Variants in FBXL19 observed in about 807,000 individuals in gnomAD.
FBXL19 encodes the protein F-box and leucine rich repeat protein 19.
A neutral mutation model predicts 71.2 loss-of-function variants in FBXL19; 16 were observed. That is an observed-to-expected ratio of 0.22 (90% CI 0.15 to 0.34). The LOEUF (loss-of-function observed/expected upper bound fraction) is 0.34, where lower values mean the gene tolerates loss of function less well. Ranked by LOEUF, FBXL19 falls within the 10% of genes least tolerant of loss-of-function variation. The pLI is 1.00. For synonymous variants in FBXL19, 447 were observed against 409.4 expected, an observed-to-expected ratio of 1.09 and a Z score of -1.11; for missense variants, 658 against 968.2, an observed-to-expected ratio of 0.68 and a Z score of 4.25.
intron 7 of FBXL19, among the ~76,000 whole-genome samples, chr16:30,933,289 C>T (rs1272018647): frequency 6.6e-6 from 1 of 152,120 alleles, no homozygotes; most frequent in Admixed American, 6.5e-5. Flanking sequence ...AGGCATGAGC[C>T]ACTGCGCCTG....
At position 30,948,674 on chromosome 16, in the gene FBXL19, GGAA is replaced by G; in HGVS notation, c.*1447_*1449del. The stretch of plus-strand genomic sequence containing the variant: ...TTGAGAATGGGGCCGCTTGGGGGAG[GGAA>G]GAGGCAGCCCGGCGAGGGGCAAGCG... On this transcript the variant is annotated 3_prime_UTR_variant, in exon 11 of 11. Transcript: ENST00000338343. 1.3e-5 allele frequency: 2 copies of G among 152,418 alleles called. No individual in the cohort carries two copies. The highest frequency in any genetic ancestry group is 3.9e-4 in the East Asian group (2 of 5,148). 9.4% of individuals were successfully genotyped at this position (152,418 alleles called of 1,614,324 possible).
chr16:30,930,715 T>C lies in FBXL19; in HGVS notation c.1301+131T>C. 1.1e-6 allele frequency: 1 copy of C among 951,324 alleles called. No individual in the cohort carries two copies. Among genetic ancestry groups the C allele is most frequent in the South Asian group, 3.3e-5 (1 of 30,212 alleles). The allele number at this position is 951,324 out of a possible 1,614,324, so 58.9% of individuals were successfully genotyped here. A position where few individuals can be genotyped will look rare whatever the true frequency, so the allele number is the denominator to read the frequency against. On this transcript the variant is annotated intron_variant, in intron 7 of 10. Coordinates refer to ENST00000338343, the MANE Select transcript of FBXL19 (RefSeq NM_001382779.1). This position sits in a 1 kb window ranked among gnomAD's most constrained non-coding sequence, Gnocchi z 8.5. ...GGATACTTCTCTAGTATGCACAGATTACAGTGCATCCTTCCGTATTTCCCG... is the reference window on the plus strand; with the variant it reads ...GGATACTTCTCTAGTATGCACAGATCACAGTGCATCCTTCCGTATTTCCCG...
rs1300631488 is a variant in FBXL19 at position 30,947,786 on chromosome 16, G to A, written c.*556G>A. The A allele has an allele frequency of 2.4e-6, 1 of 425,062 alleles. No individual in the cohort carries two copies. Among genetic ancestry groups the A allele is most frequent in the African/African-American group, 2.1e-5 (1 of 48,468 alleles). 26.3% of individuals were successfully genotyped at this position (425,062 alleles called of 1,614,324 possible). On this transcript the variant is annotated 3_prime_UTR_variant, in exon 11 of 11. Coordinates refer to ENST00000338343, the MANE Select transcript of FBXL19 (RefSeq NM_001382779.1). ...GGGGCTGAGCTGGAGGTGGGGATGA[G>A]AGCAGGTGTGGGGACAGCAATACCC... is the stretch of plus-strand genomic sequence containing the variant.
In FBXL19 at chr16:30,928,522, TC is replaced by T; in HGVS notation, c.685del (p.Arg229GlufsTer16). 1 of 1,607,806 alleles carries T rather than the reference TC, an allele frequency of 6.2e-7. No individual in the cohort carries two copies. Among genetic ancestry groups the T allele is most frequent in the Non-Finnish European group, 8.5e-7 (1 of 1,176,936 alleles). ...AAGGTGGGTGGAGACGCCTGCCTCCTCCGAGGATCGGACCCAGGCGGCCCGG... is the reference window on the plus strand; with the variant it reads ...AAGGTGGGTGGAGACGCCTGCCTCCTCGAGGATCGGACCCAGGCGGCCCGG... ...LKKVGGDACL[L>X]RGSDPGGPGL... is the part of the protein sequence containing the mutation. On this transcript the variant is annotated frameshift_variant, in exon 6 of 11. Transcript: ENST00000338343. LOFTEE classifies it high-confidence loss of function.
At position 30,930,573 on chromosome 16, in the gene FBXL19, T is replaced by G; in HGVS notation, c.1290T>G (p.Thr430=). The change falls in exon 7 of 11, where the codon ACT becomes ACG. Residue 430 remains threonine (T), a synonymous_variant. Coordinates refer to ENST00000338343, the MANE Select transcript of FBXL19 (RefSeq NM_001382779.1). This position sits in a 1 kb window ranked among gnomAD's most constrained non-coding sequence, Gnocchi z 8.5. ...ELCICMRVCR[T]WSRWCYDKRL... Reference sequence around the variant, plus strand: ...GTATCTGCATGCGAGTCTGCCGAACTTGGAGCCGCTGGTGAGTGGCCTGGA... The same window carrying G: ...GTATCTGCATGCGAGTCTGCCGAACGTGGAGCCGCTGGTGAGTGGCCTGGA... 6.9e-7 allele frequency: 1 copy of G among 1,455,406 alleles called. No individual in the cohort carries two copies. Among genetic ancestry groups the G allele is most frequent in the Non-Finnish European group, 9.0e-7 (1 of 1,108,628 alleles). 90.2% of individuals were successfully genotyped at this position (1,455,406 alleles called of 1,614,324 possible).
Position 30,942,364 on chromosome 16 carries a change from C to T in FBXL19, c.1466-11C>T, listed in dbSNP as rs750303267. The T allele has an allele frequency of 1.2e-6, 2 of 1,607,814 alleles. No homozygotes were observed. The highest frequency in any genetic ancestry group is 1.1e-5 in the South Asian group (1 of 90,054). ...CACAGCACCTGCTTCCTGACTGCCC[C>T]CTCTCCGCAGGCCTGCAGGAGCTGG... is the stretch of plus-strand genomic sequence containing the variant. On this transcript the variant is annotated splice_polypyrimidine_tract_variant and intron_variant, in intron 8 of 10. Coordinates refer to ENST00000338343, the MANE Select transcript of FBXL19 (RefSeq NM_001382779.1). This position sits in a 1 kb window ranked among gnomAD's most constrained non-coding sequence, Gnocchi z 5.7.
At chr16:30,927,537 T>G in intron 3 of FBXL19, 36 bp from the exon 4 acceptor site, 1 of 1,554,974 alleles carries the variant, frequency 6.4e-7, no homozygotes, top group Non-Finnish European at 8.7e-7. Flanking sequence ...CTGGGCTTCC[T>G]GGCCAACCCC....
chr16:30,932,999 C>G (rs1416181529), intron 7 of FBXL19, among the ~76,000 whole-genome samples: 1 of 151,552 alleles, frequency 6.6e-6, no homozygotes, highest in African/African-American at 2.4e-5. Flanking sequence ...CACCACCATG[C>G]CTGGCTAATT....
chr16:30,928,254 G>GCAGC (rs1405889603), intron 5 of FBXL19, among the ~76,000 whole-genome samples: 1 of 152,094 alleles, frequency 6.6e-6, no homozygotes, highest in Admixed American at 6.6e-5. Context: ...GAGGAGGGAG[G>GCAGC]GGCTGGAGAG....
Position 30,947,534 on chromosome 16 carries a change from G to GT in FBXL19, c.*305dup. On this transcript the variant is annotated 3_prime_UTR_variant, in exon 11 of 11. Transcript: ENST00000338343. ...AAGGGACGGTGGGAGGGGGGTTATG[G>GT]TGCAAGTGTTGGGGGGGAGAATGGG... The GT allele has an allele frequency of 2.6e-6, 1 of 386,024 alleles. No homozygotes were observed. Among genetic ancestry groups the GT allele is most frequent in the Non-Finnish European group, 4.8e-6 (1 of 206,260 alleles). 23.9% of individuals were successfully genotyped at this position (386,024 alleles called of 1,614,324 possible). A position where few individuals can be genotyped will look rare whatever the true frequency, so the allele number is the denominator to read the frequency against.
chr16:30,932,444 G>C (rs2055685693), intron 7 of FBXL19, among the ~76,000 whole-genome samples: 1 of 152,208 alleles, frequency 6.6e-6, no homozygotes, highest in Non-Finnish European at 1.5e-5. Context: ...AACTGAAAGG[G>C]ACCTGATTTC....
chr16:30,944,588 C>A (rs1312885106), intron 9 of FBXL19, among the ~76,000 whole-genome samples: 6 of 152,066 alleles, frequency 3.9e-5, no homozygotes, highest in African/African-American at 7.2e-5. Context: ...TTCATTCTTT[C>A]ATTGATGGGC....
At chr16:30,941,305 G>A (rs1002950167) in intron 7 of FBXL19, among the ~76,000 whole-genome samples, 1 of 152,070 alleles carries the variant, frequency 6.6e-6, no homozygotes, top group South Asian at 2.1e-4. Context: ...GTGAGACCCT[G>A]TCTCTACAAA....
intron 6 of FBXL19, 78 bp from the exon 7 acceptor site, chr16:30,929,995 C>T (rs889992236): frequency 9.1e-6 from 14 of 1,533,638 alleles, no homozygotes; most frequent in Non-Finnish European, 1.2e-5. Flanking sequence ...CTGTTCATCC[C>T]CTGGTGACTC....
Position 30,930,515 on chromosome 16 carries a change from G to T in FBXL19, c.1232G>T (p.Arg411Leu). Residue 411 changes from arginine to leucine, a missense_variant, in exon 7 of 11, where the codon CGC becomes CTC. Arg to Leu is a moderately radical substitution (Grantham distance 102). Around this residue, in one of 8 missense-constraint regions of FBXL19, gnomAD observed 447 missense variants for 515.4 expected, o/e 0.87. Coordinates refer to ENST00000338343, the MANE Select transcript of FBXL19 (RefSeq NM_001382779.1). The surrounding 1 kb of genome is among the most constrained non-coding windows in gnomAD (Gnocchi z 8.5). ...DHPLPRAAWL[R>L]VFQHLGPREL... ...CCCCTGCCCCGGGCCGCCTGGCTTCGCGTCTTCCAGCACCTCGGGCCGCGG... is the reference window on the plus strand; with the variant it reads ...CCCCTGCCCCGGGCCGCCTGGCTTCTCGTCTTCCAGCACCTCGGGCCGCGG... 1.3e-6 allele frequency: 2 copies of T among 1,523,462 alleles called. No homozygotes were observed. The highest frequency in any genetic ancestry group is 1.8e-6 in the Non-Finnish European group (2 of 1,141,968). 94.4% of individuals were successfully genotyped at this position (1,523,462 alleles called of 1,614,324 possible). A position where few individuals can be genotyped will look rare whatever the true frequency, so the allele number is the denominator to read the frequency against.
rs1159803612 is a variant in FBXL19, at chr16:30,947,829, C to G, written c.*599C>G. 6.7e-6 allele frequency: 3 copies of G among 448,624 alleles called. No homozygotes were observed. Among genetic ancestry groups the G allele is most frequent in the South Asian group, 3.1e-5 (2 of 63,612 alleles). 27.8% of individuals were successfully genotyped at this position (448,624 alleles called of 1,614,324 possible). A position where few individuals can be genotyped will look rare whatever the true frequency, so the allele number is the denominator to read the frequency against. On this transcript the variant is annotated 3_prime_UTR_variant, in exon 11 of 11. Coordinates refer to ENST00000338343, the MANE Select transcript of FBXL19 (RefSeq NM_001382779.1). ...CAATACCCCCTTGGGGGTCACCTCT[C>G]TGCTTCCCCCCTCCCCAGGCTTCAG...
At chr16:30,927,514 G>A in intron 3 of FBXL19, 59 bp from the exon 4 acceptor site, 1 of 1,558,508 alleles carries the variant, frequency 6.4e-7, no homozygotes, top group South Asian at 1.2e-5. Flanking sequence ...GAGAGTGGGG[G>A]ATCACCCTGG....
intron 2 of FBXL19, among the ~76,000 whole-genome samples, chr16:30,926,261 C>T (rs2055589572): frequency 6.6e-6 from 1 of 152,170 alleles, no homozygotes. Context: ...AGAGATGGCC[C>T]CCTTCCAACA....
In FBXL19 at chr16:30,946,982, G is replaced by T. The variant is rs1319514312; in HGVS notation, c.1846+34G>T. The T allele has an allele frequency of 1.5e-5, 23 of 1,585,854 alleles. No homozygotes were observed. Among genetic ancestry groups the T allele is most frequent in the Non-Finnish European group, 2.0e-5 (23 of 1,167,036 alleles). On this transcript the variant is annotated intron_variant, in intron 10 of 10. Coordinates refer to ENST00000338343, the MANE Select transcript of FBXL19 (RefSeq NM_001382779.1). The surrounding 1 kb of genome is among the most constrained non-coding windows in gnomAD (Gnocchi z 6.7). ...GGTCCCCCATCCGTCCTGCCAGCCT[G>T]TGGATCCCCACGGCCAGTGCCAACC... is the stretch of plus-strand genomic sequence containing the variant.
Sources: gnomAD v4.1 joint callset for allele counts (sites outside exome capture counted in the v4.1 genomes callset) on GRCh38, gnomAD v4.1.1 for gene constraint, gnomAD v4.1.1 regional missense constraint, Gnocchi (gnomAD v3.1) non-coding constraint, MANE v1.5 for transcripts, NCBI Gene and HGNC (gene_info 2026-07-23, HGNC 2026-07-21) for gene names.